The following CSMD2 variants were observed in gnomAD, a reference collection of about 807,000 sequenced individuals.
The protein encoded by CSMD2 is CUB and Sushi multiple domains 2.
CSMD2 carries 130 observed loss-of-function variants against 398.5 expected under a neutral mutation model. The ratio of observed to expected loss-of-function variants is 0.33; its 90% CI spans 0.28 to 0.38. CSMD2 has a LOEUF of 0.38. CSMD2 is among the 10% of genes least tolerant of loss of function. The probability of loss-of-function intolerance (pLI) is 1.00; values close to 1 mark genes in which losing one functional copy is unlikely to be tolerated. For synonymous variants in CSMD2, 1,828 were observed against 1,908.5 expected (o/e 0.96, Z 1.10); for missense variants, 3,829 against 4,764.9 (o/e 0.80, Z 5.78).
Position 33,792,435 on chromosome 1 carries a change from G to C in CSMD2, c.1538C>G (p.Thr513Arg). 6.2e-7 allele frequency: 1 copy of C among 1,612,956 alleles called. No homozygotes were observed. The highest frequency in any genetic ancestry group is 8.5e-7 in the Non-Finnish European group (1 of 1,179,090). Residue 513 changes from threonine (T) to arginine (R), a missense_variant, in exon 11 of 71, where the codon ACA becomes AGA. Thr to Arg is a moderately conservative substitution (Grantham distance 71). Transcript: ENST00000373381. ...CCACTGCACTTACATGTAGAGAACTGTCTTCTGGTCCCCATCCTGACCACC... is the reference window on the plus strand; with the variant it reads ...CCACTGCACTTACATGTAGAGAACTCTCTTCTGGTCCCCATCCTGACCACC... ...GDGGQDGDQK[T>R]VLYILTGTSV...
At chr1:33,900,542 C>G (rs903842023) in intron 5 of CSMD2, among the ~76,000 whole-genome samples, 1 of 152,154 alleles carries the variant, frequency 6.6e-6, no homozygotes, top group Non-Finnish European at 1.5e-5. Flanking sequence ...TTTGGGAGGC[C>G]ATGGTAGGTG....
chr1:33,728,244 G>C (rs1646603571), intron 15 of CSMD2, among the ~76,000 whole-genome samples: 1 of 152,048 alleles, frequency 6.6e-6, no homozygotes, highest in Admixed American at 6.5e-5. Context: ...GAGGAATAAA[G>C]AGCTACATAG....
At chr1:34,151,691 G>T (rs1640333942) in intron 1 of CSMD2, among the ~76,000 whole-genome samples, 1 of 152,112 alleles carries the variant, frequency 6.6e-6, no homozygotes, top group Non-Finnish European at 1.5e-5. Context: ...GAAGATAGCA[G>T]GTCTCCCCAC....
chr1:33,540,454 C>A, intron 60 of CSMD2, 71 bp downstream of exon 60: 2 of 1,546,630 alleles, frequency 1.3e-6, no homozygotes, highest in Non-Finnish European at 1.8e-6. Context: ...CTTCCAGCCA[C>A]AAAGCTCCGA....
chr1:33,803,495 A>G (rs180921216), intron 10 of CSMD2, among the ~76,000 whole-genome samples: 1 of 152,320 alleles, frequency 6.6e-6, no homozygotes, highest in East Asian at 1.9e-4. Context: ...GGACCAAGCC[A>G]GAAAGCACTA....
At chr1:33,615,191 C>T (rs918380310) in intron 39 of CSMD2, among the ~76,000 whole-genome samples, 1 of 152,194 alleles carries the variant, frequency 6.6e-6, no homozygotes, top group Non-Finnish European at 1.5e-5. Flanking sequence ...GAGCCAACCA[C>T]CAGGCTGTCT....
intron 3 of CSMD2, among the ~76,000 whole-genome samples, chr1:33,966,824 CG>C (rs1427183781): frequency 1.3e-5 from 2 of 152,022 alleles, no homozygotes; most frequent in Non-Finnish European, 2.9e-5. Context: ...GCTAAAAAGG[CG>C]GTTGAGAGTG....
At chr1:34,141,947 G>A (rs1639334337) in intron 1 of CSMD2, among the ~76,000 whole-genome samples, 1 of 152,150 alleles carries the variant, frequency 6.6e-6, no homozygotes, top group Non-Finnish European at 1.5e-5. Context: ...TTGATGTGGG[G>A]AGAGAAGGAA....
intron 55 of CSMD2, among the ~76,000 whole-genome samples, chr1:33,554,568 T>G (rs1657782901): frequency 6.6e-6 from 1 of 152,154 alleles, no homozygotes; most frequent in Non-Finnish European, 1.5e-5. Context: ...TTCAAAAGAC[T>G]GAATGACTCT....
intron 1 of CSMD2, among the ~76,000 whole-genome samples, chr1:34,126,955 G>C (rs1662805884): frequency 2.0e-5 from 3 of 151,946 alleles, no homozygotes; most frequent in Admixed American, 2.0e-4. Context: ...AAGAGAGATG[G>C]GCAGATAGAA....
At chr1:33,768,809 G>C (rs1190432247) in intron 13 of CSMD2, among the ~76,000 whole-genome samples, 5 of 152,106 alleles carry the variant, frequency 3.3e-5, no homozygotes, top group African/African-American at 1.2e-4. Flanking sequence ...CTCAAGATTA[G>C]ATTGCTGATT....
chr1:34,121,433 C>T (rs374892186), intron 1 of CSMD2, among the ~76,000 whole-genome samples: 43 of 152,278 alleles, frequency 2.8e-4, no homozygotes, highest in African/African-American at 1.0e-3. Context: ...GTAGCTGTTA[C>T]TGAATCAAGA....
At position 33,918,173 on chromosome 1, in the gene CSMD2, C is replaced by T. The variant is rs1244988805; in HGVS notation, c.841G>A (p.Ala281Thr). ...AGCTGGAAGTCAATAAACACCAGGG[C>T]GATGGTGTCCCCCAGCTCAGCCAGG... ...TILAELGDTIALVFIDFQLED... is the reference protein window; with the variant it reads ...TILAELGDTITLVFIDFQLED... The change falls in exon 5 of 71, where the codon GCC (alanine) becomes ACC (threonine). Residue 281 changes from alanine to threonine, a missense_variant. Transcript: ENST00000373381. 4 of 1,614,012 alleles carry T rather than the reference C, an allele frequency of 2.5e-6. No individual in the cohort carries two copies. Among genetic ancestry groups the T allele is most frequent in the South Asian group, 1.1e-5 (1 of 91,076 alleles).
chr1:33,741,259 C>T lies in CSMD2; in HGVS notation c.2174-1925G>A, dbSNP rs1344514173. On this transcript the variant is annotated intron_variant, in intron 14 of 70. Coordinates refer to ENST00000373381, the MANE Select transcript of CSMD2 (RefSeq NM_001281956.2). ...CTATGGAGAGAGCTGTCTGGGGAGG[C>T]AAGCTCCCTGACACTGGGCAAATTC... is the stretch of plus-strand genomic sequence containing the variant. Among the ~76,000 whole-genome samples, 6 of 152,092 alleles carry T rather than the reference C, an allele frequency of 3.9e-5. No homozygotes were observed. In the South Asian group the frequency reaches 6.2e-4, roughly 16 times the overall value.
chr1:34,097,903 C>T (rs1659522020), intron 1 of CSMD2, among the ~76,000 whole-genome samples: 1 of 123,296 alleles, frequency 8.1e-6, no homozygotes, highest in African/African-American at 3.3e-5. Flanking sequence ...CCCAGCCATC[C>T]CATTACTGGG....
intron 4 of CSMD2, among the ~76,000 whole-genome samples, chr1:33,920,751 C>T (rs1355974454): frequency 2.0e-5 from 3 of 152,034 alleles, no homozygotes; most frequent in Non-Finnish European, 4.4e-5. Context: ...CCTTGGGATG[C>T]CATGTAGACA....
intron 1 of CSMD2, among the ~76,000 whole-genome samples, chr1:34,108,728 G>C (rs376563916): frequency 7.9e-5 from 12 of 152,278 alleles, no homozygotes; most frequent in African/African-American, 1.7e-4. Context: ...GTAGAAGAGA[G>C]AGCACTGCAG....
At chr1:33,858,271 C>A (rs1639237565) in intron 5 of CSMD2, among the ~76,000 whole-genome samples, 1 of 152,196 alleles carries the variant, frequency 6.6e-6, no homozygotes, top group Admixed American at 6.5e-5. Context: ...TGAGGATCAA[C>A]CCAGATTAGA....
chr1:33,736,989 T>C (rs550039118), intron 15 of CSMD2, among the ~76,000 whole-genome samples: 1 of 152,250 alleles, frequency 6.6e-6, no homozygotes, highest in East Asian at 1.9e-4. Flanking sequence ...GGCTGGTCTG[T>C]AGGAAGGTGA....
Sources: gnomAD v4.1 joint callset for allele counts (sites outside exome capture counted in the v4.1 genomes callset) on GRCh38, gnomAD v4.1.1 for gene constraint, MANE v1.5 for transcripts, NCBI Gene and HGNC (gene_info 2026-07-23, HGNC 2026-07-21) for gene names.